HSP90AA1: variants seen among roughly 807,000 people sequenced by gnomAD.
HSP90AA1 encodes heat shock protein 90 alpha family class A member 1.
A neutral mutation model predicts 73.3 loss-of-function variants in HSP90AA1; 18 were observed. That is an observed-to-expected ratio of 0.25 (90% confidence interval 0.17 to 0.36). HSP90AA1 has a LOEUF of 0.36. Ranked by LOEUF, HSP90AA1 falls within the 10% of genes least tolerant of loss-of-function variation. The probability of loss-of-function intolerance (pLI) is 1.00; values close to 1 mark genes in which losing one functional copy is unlikely to be tolerated. For missense variants in HSP90AA1, 704 were observed against 874.2 expected (o/e 0.81, Z 2.45); for synonymous variants, 477 against 296.9 (o/e 1.61, Z -6.24).
intron 1 of HSP90AA1, among the ~76,000 whole-genome samples, chr14:102,131,206 T>C (rs1183497071): frequency 2.6e-5 from 4 of 152,222 alleles, no homozygotes; most frequent in African/African-American, 9.6e-5. Flanking sequence ...TTCCTCAGCC[T>C]TCCTCATCTC....
Position 102,081,764 on chromosome 14 carries a change from A to G in HSP90AA1, c.2147T>C (p.Met716Thr). The stretch of plus-strand genomic sequence containing the variant: ...GTCGTCATCTCCTTCAAGGGGTGGC[A>G]TTTCTTCAGTTACAGCAGCACTGGT... ...DDTSAAVTEEMPPLEGDDDTS... is the reference protein window; with the variant it reads ...DDTSAAVTEETPPLEGDDDTS... The change falls in exon 11 of 11, where the codon ATG becomes ACG. Residue 716 changes from methionine (M) to threonine (T), a missense_variant. By Grantham distance (81) the Met-to-Thr change is moderately conservative. Coordinates refer to ENST00000216281, the MANE Select transcript of HSP90AA1 (RefSeq NM_005348.4). 3 of 1,600,296 alleles carry G rather than the reference A, an allele frequency of 1.9e-6. No homozygotes were observed. The highest frequency in any genetic ancestry group is 8.6e-7 in the Non-Finnish European group (1 of 1,167,450).
upstream of HSP90AA1, among the ~76,000 whole-genome samples, chr14:102,088,649 C>CT (rs1388996125): frequency 1.3e-5 from 2 of 152,172 alleles, no homozygotes; most frequent in Non-Finnish European, 2.9e-5. Flanking sequence ...CCGGCCCAGG[C>CT]TTTCCTACAG....
At chr14:102,126,875 A>G (rs1301340572) in intron 1 of HSP90AA1, among the ~76,000 whole-genome samples, 2 of 152,166 alleles carry the variant, frequency 1.3e-5, no homozygotes, top group Non-Finnish European at 2.9e-5. Context: ...TTTCCCAATC[A>G]GTAACTCCTA....
At chr14:102,100,726 T>C (rs529092591) in intron 2 of HSP90AA1, among the ~76,000 whole-genome samples, 2 of 152,318 alleles carry the variant, frequency 1.3e-5, no homozygotes, top group South Asian at 4.1e-4. Flanking sequence ...TGCCCAGCTC[T>C]GATTTTAATT....
At position 102,086,110 on chromosome 14, in the gene HSP90AA1, G is replaced by C. The variant is rs116285249; in HGVS notation, c.177C>G (p.Ile59Met). The stretch of plus-strand genomic sequence containing the variant: ...TGGGATCTGTCAAGCTTTCATACCG[G>C]ATTTTGTCCAATGCCTGTTAACAAA... ...ISNSSDALDK[I>M]RYESLTDPSK... is the part of the protein sequence containing the mutation. The change falls in exon 3 of 11, where the codon ATC becomes ATG. Residue 59 changes from isoleucine (I) to methionine (M), a missense_variant. Transcript: ENST00000216281. 3 of 1,613,912 alleles carry C rather than the reference G, an allele frequency of 1.9e-6. No individual in the cohort carries two copies. Among genetic ancestry groups the C allele is most frequent in the African/African-American group, 1.3e-5 (1 of 74,874 alleles).
At chr14:102,116,259 G>T (rs528264272) in intron 1 of HSP90AA1, among the ~76,000 whole-genome samples, 13 of 152,266 alleles carry the variant, frequency 8.5e-5, no homozygotes, top group Admixed American at 3.9e-4. Context: ...GGCCAAGACC[G>T]AGCATCTTTT....
At chr14:102,117,775 G>A (rs774483409) in intron 1 of HSP90AA1, among the ~76,000 whole-genome samples, 16 of 152,284 alleles carry the variant, frequency 1.1e-4, no homozygotes, top group Admixed American at 5.9e-4. Flanking sequence ...ACCACGTTGC[G>A]GGCGAAGAGA....
chr14:102,103,704 A>G, intron 1 of HSP90AA1, among the ~76,000 whole-genome samples: 1 of 152,004 alleles, frequency 6.6e-6, no homozygotes, highest in East Asian at 1.9e-4. Context: ...CTTGGGAGGC[A>G]GAGGCAGAAG....
At chr14:102,101,966 G>A (rs1353157024) in exon 2 of HSP90AA1, 3 of 1,614,032 alleles carry the variant, frequency 1.9e-6, no homozygotes, top group Admixed American at 1.7e-5. Context: ...CGCGGTGACA[G>A]GGAATGCAGA....
chr14:102,123,384 T>A (rs1235714993), intron 1 of HSP90AA1, among the ~76,000 whole-genome samples: 1 of 151,966 alleles, frequency 6.6e-6, no homozygotes, highest in Non-Finnish European at 1.5e-5. Flanking sequence ...CGAGACTCGG[T>A]CTAAAAAAAG....
At chr14:102,122,053 G>T (rs768590856) in intron 1 of HSP90AA1, among the ~76,000 whole-genome samples, 1 of 151,852 alleles carries the variant, frequency 6.6e-6, no homozygotes, top group Non-Finnish European at 1.5e-5. Context: ...ATTTATTCAA[G>T]TCATTTCTTT....
chr14:102,104,465 A>G (rs2049536500), intron 1 of HSP90AA1, among the ~76,000 whole-genome samples: 1 of 151,964 alleles, frequency 6.6e-6, no homozygotes, highest in Non-Finnish European at 1.5e-5. Context: ...CGCCTACCTT[A>G]GCCTCCCAAA....
At chr14:102,130,872 C>A (rs2049899656) in intron 1 of HSP90AA1, among the ~76,000 whole-genome samples, 1 of 151,828 alleles carries the variant, frequency 6.6e-6, no homozygotes, top group Non-Finnish European at 1.5e-5. Flanking sequence ...CTAGAATACA[C>A]CACCACGCTA....
intron 9 of HSP90AA1, chr14:102,082,756 G>A (rs2049128072): frequency 4.0e-6 from 2 of 504,552 alleles, no homozygotes; most frequent in Non-Finnish European, 7.1e-6. Context: ...AAGTGGCTAG[G>A]ATTACAGGCC....
At chr14:102,137,939 T>C (rs7160254) in intron 1 of HSP90AA1, among the ~76,000 whole-genome samples, 27 of 151,198 alleles carry the variant, frequency 1.8e-4, no homozygotes, top group African/African-American at 6.6e-4. Context: ...CGCTTGAACC[T>C]GGGAGGCAGA....
chr14:102,102,088 G>T (rs1300653390), intron 1 of HSP90AA1: 1 of 1,612,744 alleles, frequency 6.2e-7, no homozygotes, highest in South Asian at 1.1e-5. Flanking sequence ...GTGCCCTGCT[G>T]GGAACATAAA....
At chr14:102,083,427 T>TA in intron 8 of HSP90AA1, 119 bp downstream of exon 8, 1 of 1,417,984 alleles carries the variant, frequency 7.1e-7, no homozygotes, top group Non-Finnish European at 9.9e-7. Flanking sequence ...TAGTTCATGT[T>TA]AATTATCTTG....
upstream of HSP90AA1, among the ~76,000 whole-genome samples, chr14:102,088,320 T>C (rs1414005646): frequency 1.3e-5 from 2 of 152,116 alleles, no homozygotes. Flanking sequence ...GCGCCTCCCA[T>C]GATTGGGCCG....
intron 1 of HSP90AA1, among the ~76,000 whole-genome samples, chr14:102,110,571 C>G (rs1341165450): frequency 6.6e-6 from 1 of 150,596 alleles, no homozygotes; most frequent in Admixed American, 6.6e-5. Context: ...AGGCGCCCAC[C>G]ACCATGCCCG....
Sources: gnomAD v4.1 joint callset for allele counts (sites outside exome capture counted in the v4.1 genomes callset) on GRCh38, gnomAD v4.1.1 for gene constraint, MANE v1.5 for transcripts, NCBI Gene and HGNC (gene_info 2026-07-23, HGNC 2026-07-21) for gene names.